OR51B5: variants seen among roughly 807,000 people sequenced by gnomAD.
OR51B5 encodes the protein olfactory receptor family 51 subfamily B member 5, also known as olfactory receptor 51B5.
For synonymous variants in OR51B5, 186 were observed against 144.8 expected, an observed-to-expected ratio of 1.28 and a Z score of -2.04; for missense variants, 456 against 374.6, an observed-to-expected ratio of 1.22 and a Z score of -1.79.
At chr11:5,422,846 A>G in intron 1 of OR51B5, 4 of 1,614,130 alleles carry the variant, frequency 2.5e-6, no homozygotes, top group Admixed American at 1.7e-5. Flanking sequence ...TCCTCTGCTC[A>G]TTGTGATCTC....
intron 1 of OR51B5, among the ~76,000 whole-genome samples, chr11:5,499,805 G>T (rs1326091811): frequency 1.3e-5 from 2 of 152,138 alleles, no homozygotes; most frequent in Admixed American, 1.3e-4. Flanking sequence ...GTACTAGCTT[G>T]TCAGCTTCCA....
At chr11:5,455,780 T>G (rs535970413) in intron 1 of OR51B5, 1 of 152,216 alleles carries the variant, frequency 6.6e-6, no homozygotes, top group Admixed American at 6.5e-5. Flanking sequence ...GGAGCTATTT[T>G]AAAAATGAGA....
intron 1 of OR51B5, among the ~76,000 whole-genome samples, chr11:5,431,774 G>A (rs1850538336): frequency 6.6e-6 from 1 of 152,206 alleles, no homozygotes; most frequent in African/African-American, 2.4e-5. Flanking sequence ...AAGTATAACA[G>A]ACATCCTCTT....
chr11:5,358,808 C>T (rs1269234378), intron 1 of OR51B5, among the ~76,000 whole-genome samples: 1 of 152,166 alleles, frequency 6.6e-6, no homozygotes, highest in Admixed American at 6.5e-5. Context: ...ATCAAGTGGG[C>T]TTCATCCCTG....
chr11:5,505,501 T>G, intron 1 of OR51B5: 1 of 1,278,330 alleles, frequency 7.8e-7, no homozygotes, highest in East Asian at 5.7e-5. Context: ...TTGTCCGTTT[T>G]CACGCTGCTA....
intron 1 of OR51B5, chr11:5,385,409 G>A (rs577414560): frequency 1.3e-5 from 2 of 152,158 alleles, no homozygotes; most frequent in South Asian, 2.1e-4. Flanking sequence ...TGAAGTTGGT[G>A]AACACAGAGC....
chr11:5,480,187 C>T (rs199683118), intron 1 of OR51B5, among the ~76,000 whole-genome samples: 1 of 150,872 alleles, frequency 6.6e-6, no homozygotes, highest in African/African-American at 2.4e-5. Context: ...CAAACTAGAA[C>T]TCAGGATTAA....
chr11:5,475,697 G>A (rs1851295030), intron 1 of OR51B5, among the ~76,000 whole-genome samples: 1 of 152,108 alleles, frequency 6.6e-6, no homozygotes, highest in Non-Finnish European at 1.5e-5. Flanking sequence ...TAAATTCCAT[G>A]AAACATGACC....
chr11:5,440,672 G>C, intron 1 of OR51B5: 4 of 1,613,926 alleles, frequency 2.5e-6, no homozygotes, highest in Non-Finnish European at 3.4e-6. Context: ...CAAACAGGTA[G>C]ACATTGGACA....
chr11:5,425,803 A>G (rs1382051172), intron 1 of OR51B5, among the ~76,000 whole-genome samples: 1 of 152,202 alleles, frequency 6.6e-6, no homozygotes, highest in Non-Finnish European at 1.5e-5. Context: ...AAGATTGGAT[A>G]TTAATTTTTT....
chr11:5,431,061 G>A (rs1046473841), intron 1 of OR51B5: 11 of 453,580 alleles, frequency 2.4e-5, no homozygotes, highest in African/African-American at 1.6e-4. Context: ...CTGAGTGGAG[G>A]CAGTAGGAGT....
intron 1 of OR51B5, among the ~76,000 whole-genome samples, chr11:5,415,016 T>G (rs1255174962): frequency 6.6e-6 from 1 of 152,064 alleles, no homozygotes; most frequent in East Asian, 1.9e-4. Context: ...ATTGACCACA[T>G]AGTTGGCAGT....
chr11:5,453,481 G>A, intron 1 of OR51B5: 1 of 1,510,530 alleles, frequency 6.6e-7, no homozygotes, highest in Non-Finnish European at 8.8e-7. Context: ...CCCTAAGTTT[G>A]TTTTGCTATG....
chr11:5,401,598 A>G (rs745914089), intron 1 of OR51B5, among the ~76,000 whole-genome samples: 5 of 152,186 alleles, frequency 3.3e-5, no homozygotes, highest in Non-Finnish European at 5.9e-5. Flanking sequence ...AGCTCTTTTT[A>G]TATACCATGC....
Position 5,488,614 on chromosome 11 carries a change from G to A in OR51B5, n.84+16955C>T. The A allele has an allele frequency of 4.1e-6, 4 of 981,974 alleles. No homozygotes were observed. The South Asian group carries it at 6.5e-5, about 16-fold the overall frequency. 60.8% of individuals were successfully genotyped at this position (981,974 alleles called of 1,614,324 possible). A position where few individuals can be genotyped will look rare whatever the true frequency, so the allele number is the denominator to read the frequency against. ...TCTAAAAAAGATTATTTCACAGAAA[G>A]ATCTTTGTTTTACATAAATCAACCA... On this transcript the variant is annotated intron_variant and non_coding_transcript_variant, in intron 1 of 4. Coordinates refer to the OR51B5 transcript ENST00000415970.
At chr11:5,494,064 C>T (rs1045104254) in intron 1 of OR51B5, among the ~76,000 whole-genome samples, 1 of 152,202 alleles carries the variant, frequency 6.6e-6, no homozygotes, top group Non-Finnish European at 1.5e-5. Flanking sequence ...TGGCTGTCAG[C>T]CAGCCAGACT....
chr11:5,390,622 C>A, intron 1 of OR51B5: 2 of 439,646 alleles, frequency 4.5e-6, no homozygotes, highest in Non-Finnish European at 8.0e-6. Context: ...ATCCAGAAGG[C>A]AACTTTATTG....
At chr11:5,356,792 A>T (rs1358920798) in intron 1 of OR51B5, among the ~76,000 whole-genome samples, 1 of 126,098 alleles carries the variant, frequency 7.9e-6, no homozygotes, top group Non-Finnish European at 1.8e-5. Context: ...CAGAAACTCT[A>T]CAAGCCAGAA....
rs902784615 is a variant in OR51B5 at position 5,453,354 on chromosome 11, C to T, written n.84+52215G>A. On this transcript the variant is annotated intron_variant and non_coding_transcript_variant, in intron 1 of 4. Transcript: ENST00000415970. ...CTCAAAAGCAGTGATTTCATGAATG[C>T]GTCAGTTTCCATTTATGTCAACATC... 26 of 542,374 alleles carry T rather than the reference C, an allele frequency of 4.8e-5. No homozygotes were observed. The East Asian group carries it at 6.8e-4, about 14-fold the overall frequency. The allele number at this position is 542,374 out of a possible 1,614,324, so 33.6% of individuals were successfully genotyped here.
Sources: allele counts gnomAD v4.1 joint callset (sites outside exome capture counted in the v4.1 genomes callset), GRCh38; gene constraint gnomAD v4.1.1; transcripts MANE v1.5; gene names NCBI Gene and HGNC (gene_info 2026-07-23, HGNC 2026-07-21).